PDLIM5: variants seen among roughly 807,000 people sequenced by gnomAD.
PDLIM5 encodes the protein PDZ and LIM domain 5.
A neutral mutation model predicts 64.2 loss-of-function variants in PDLIM5; 34 were observed. The observed-to-expected ratio is 0.53, with a 90% CI of 0.40 to 0.71. PDLIM5 has a LOEUF of 0.71. PDLIM5 is among the 30% of genes least tolerant of loss of function. PDLIM5 has a pLI of 0.00. For missense variants in PDLIM5, 683 were observed against 733.6 expected (o/e 0.93, Z 0.80); for synonymous variants, 253 against 269.1 (o/e 0.94, Z 0.59).
intron 11 of PDLIM5, among the ~76,000 whole-genome samples, chr4:94,661,595 C>T (rs187072627): frequency 7.2e-5 from 11 of 152,216 alleles, no homozygotes; most frequent in Admixed American, 2.6e-4. Context: ...TGGCTAATAT[C>T]GTTGTGATAC....
At chr4:94,587,412 G>A (rs2110320407) in intron 7 of PDLIM5, 1 of 1,059,358 alleles carries the variant, frequency 9.4e-7, no homozygotes, top group Non-Finnish European at 1.1e-6. Flanking sequence ...TTAGTTGGTT[G>A]GTTGAAGCAG....
intron 2 of PDLIM5, among the ~76,000 whole-genome samples, chr4:94,483,188 G>T (rs1726023163): frequency 6.6e-6 from 1 of 151,984 alleles, no homozygotes; most frequent in African/African-American, 2.4e-5. Flanking sequence ...AGAAAAAGTA[G>T]CCCCTCAAAA....
intron 4 of PDLIM5, among the ~76,000 whole-genome samples, chr4:94,573,917 G>T (rs1735024224): frequency 6.6e-6 from 1 of 151,944 alleles, no homozygotes; most frequent in Non-Finnish European, 1.5e-5. Context: ...CCTATTTATT[G>T]AACTACTTAT....
At chr4:94,621,239 CT>C (rs1411795372) in intron 8 of PDLIM5, among the ~76,000 whole-genome samples, 1 of 152,040 alleles carries the variant, frequency 6.6e-6, no homozygotes, top group Non-Finnish European at 1.5e-5. Flanking sequence ...TTCTGGACTA[CT>C]AAAAAACACT....
intron 3 of PDLIM5, among the ~76,000 whole-genome samples, chr4:94,524,324 G>A (rs953418818): frequency 9.8e-5 from 14 of 143,248 alleles, no homozygotes; most frequent in Non-Finnish European, 1.9e-4. Context: ...AGCTCTGATC[G>A]TGCCACCACA....
chr4:94,514,953 G>T (rs1373212373), intron 2 of PDLIM5, among the ~76,000 whole-genome samples: 1 of 152,122 alleles, frequency 6.6e-6, no homozygotes, highest in East Asian at 1.9e-4. Context: ...CTAAAGAAAA[G>T]ATACATATGC....
At chr4:94,586,502 T>TGAAAAACTAAATTG in intron 7 of PDLIM5, 58 bp downstream of exon 7, 1 of 1,045,528 alleles carries the variant, frequency 9.6e-7, no homozygotes, top group Non-Finnish European at 1.5e-6. Context: ...GGTCTCAATT[T>TGAAAAACTAAATTG]AGTTTTTCAA....
intron 5 of PDLIM5, among the ~76,000 whole-genome samples, chr4:94,578,785 A>G (rs547925038): frequency 1.1e-4 from 17 of 152,194 alleles, no homozygotes; most frequent in African/African-American, 4.1e-4. Flanking sequence ...AAACTCTTTT[A>G]AAGTTGAGAG....
At chr4:94,646,248 T>C (rs996391394) in intron 9 of PDLIM5, among the ~76,000 whole-genome samples, 1 of 152,190 alleles carries the variant, frequency 6.6e-6, no homozygotes, top group African/African-American at 2.4e-5. Flanking sequence ...AAGAGGGCAT[T>C]TGGTCTTTAA....
intron 3 of PDLIM5, among the ~76,000 whole-genome samples, chr4:94,558,593 A>T (rs1733569249): frequency 6.6e-6 from 1 of 152,152 alleles, no homozygotes; most frequent in South Asian, 2.1e-4. Context: ...TTCTGCCTAT[A>T]CTTGTACTTC....
At chr4:94,542,328 AAATAAAGT>A (rs984480409) in intron 3 of PDLIM5, among the ~76,000 whole-genome samples, 12 of 151,556 alleles carry the variant, frequency 7.9e-5, no homozygotes, top group South Asian at 2.1e-4. Context: ...ATAAATAAAT[AAATAAAGT>A]AAGTAAGTAA....
chr4:94,588,349 A>C (rs947834104), intron 7 of PDLIM5: 5 of 168,116 alleles, frequency 3.0e-5, no homozygotes, highest in African/African-American at 1.2e-4. Flanking sequence ...AGATCACCTG[A>C]GGTTGGGAGT....
intron 7 of PDLIM5, among the ~76,000 whole-genome samples, chr4:94,615,393 G>A (rs145390619): frequency 6.6e-6 from 1 of 152,080 alleles, no homozygotes; most frequent in East Asian, 1.9e-4. Context: ...ACAAAATAAT[G>A]TATGTTAATT....
At chr4:94,588,409 C>T (rs1385149689) in intron 7 of PDLIM5, among the ~76,000 whole-genome samples, 1 of 151,816 alleles carries the variant, frequency 6.6e-6, no homozygotes, top group Non-Finnish European at 1.5e-5. Context: ...ACTAAACATA[C>T]AAAATTAGCC....
At chr4:94,468,328 A>G (rs1724554795) in intron 2 of PDLIM5, among the ~76,000 whole-genome samples, 1 of 152,058 alleles carries the variant, frequency 6.6e-6, no homozygotes, top group African/African-American at 2.4e-5. Context: ...AATGTTTTAC[A>G]TTTTTTGTAG....
chr4:94,581,364 A>G (rs1442253679), intron 5 of PDLIM5, among the ~76,000 whole-genome samples: 2 of 152,194 alleles, frequency 1.3e-5, no homozygotes, highest in Non-Finnish European at 2.9e-5. Flanking sequence ...ACTTCATATT[A>G]ATATAAAACA....
chr4:94,627,016 A>G lies in PDLIM5; in HGVS notation c.1108+8825A>G, dbSNP rs115668959. Among the ~76,000 whole-genome samples, 750 of 152,312 alleles carry G rather than the reference A, an allele frequency of 4.9e-3. 7 individuals carry two copies. Among genetic ancestry groups the G allele is most frequent in the African/African-American group, 0.017 (723 of 41,560 alleles). ...TAAATCGAGATAACTAAATTTGCCT[A>G]GCTAAGATGGATAGATTTATTGGTT... is the stretch of plus-strand genomic sequence containing the variant. On this transcript the variant is annotated intron_variant, in intron 8 of 12. Transcript: ENST00000317968.
chr4:94,569,785 T>C (rs1734653892), intron 3 of PDLIM5, among the ~76,000 whole-genome samples: 2 of 152,248 alleles, frequency 1.3e-5, no homozygotes, highest in South Asian at 4.1e-4. Flanking sequence ...TTTCCACTTA[T>C]GCTACTTAAA....
chr4:94,463,427 T>A (rs561442605), intron 2 of PDLIM5, among the ~76,000 whole-genome samples: 25 of 152,128 alleles, frequency 1.6e-4, no homozygotes, highest in African/African-American at 6.0e-4. Context: ...ATTCTTAGAA[T>A]AAAATAAGCT....
Sources: allele counts gnomAD v4.1 joint callset (sites outside exome capture counted in the v4.1 genomes callset), GRCh38; gene constraint gnomAD v4.1.1; transcripts MANE v1.5; gene names NCBI Gene and HGNC (gene_info 2026-07-23, HGNC 2026-07-21).